NEDD4: variants seen among roughly 807,000 people sequenced by gnomAD.
NEDD4 encodes the protein E3 ubiquitin-protein ligase NEDD4.
NEDD4 carries 99 observed loss-of-function variants against 144.9 expected under a neutral mutation model. The ratio of observed to expected loss-of-function variants is 0.68; its 90% CI spans 0.58 to 0.81. The LOEUF (loss-of-function observed/expected upper bound fraction) is 0.81. NEDD4 is among the 30% of genes least tolerant of loss of function. The pLI, the probability that NEDD4 is intolerant of heterozygous loss-of-function variation, is 0.00. For synonymous variants in NEDD4, 318 were observed against 350.6 expected (o/e 0.91, Z 1.04); for missense variants, 985 against 1,065.9 (o/e 0.92, Z 1.06).
chr15:55,918,949 A>G (rs2036518826), intron 5 of NEDD4, among the ~76,000 whole-genome samples: 2 of 152,168 alleles, frequency 1.3e-5, no homozygotes, highest in Non-Finnish European at 2.9e-5. Flanking sequence ...CCCTTCTAAT[A>G]GGCTAATCAA....
chr15:55,943,020 T>C (rs751217726), intron 4 of NEDD4, among the ~76,000 whole-genome samples: 2 of 152,230 alleles, frequency 1.3e-5, no homozygotes, highest in Non-Finnish European at 2.9e-5. Flanking sequence ...ATTGTGCCCC[T>C]GCTCTAGAAA....
intron 2 of NEDD4, among the ~76,000 whole-genome samples, chr15:55,951,822 T>C (rs1202108143): frequency 6.6e-6 from 1 of 152,076 alleles, no homozygotes; most frequent in East Asian, 1.9e-4. Flanking sequence ...AAAGAAAACC[T>C]TTTAATCACA....
chr15:55,923,955 A>C (rs2036617326), intron 5 of NEDD4, among the ~76,000 whole-genome samples: 1 of 152,146 alleles, frequency 6.6e-6, no homozygotes, highest in African/African-American at 2.4e-5. Context: ...TACCTGTTCA[A>C]ATCTTACAGG....
intron 5 of NEDD4, among the ~76,000 whole-genome samples, chr15:55,894,579 G>C (rs1486615684): frequency 6.6e-6 from 1 of 152,146 alleles, no homozygotes; most frequent in Admixed American, 6.5e-5. Context: ...TTGGGGTGAG[G>C]TGGAAGTCAG....
intron 5 of NEDD4, chr15:55,915,988 T>C (rs761098352): frequency 2.5e-6 from 4 of 1,613,700 alleles, no homozygotes; most frequent in Non-Finnish European, 2.5e-6. Flanking sequence ...CACAGACTTG[T>C]TGGAGAAGTC....
chr15:55,864,138 A>G (rs1477167032), intron 8 of NEDD4, among the ~76,000 whole-genome samples: 1 of 152,232 alleles, frequency 6.6e-6, no homozygotes, highest in African/African-American at 2.4e-5. Context: ...TTATATGAGA[A>G]ACCTCACAAA....
chr15:55,869,532 A>C, intron 8 of NEDD4, 47 bp downstream of exon 8: 2 of 1,125,846 alleles, frequency 1.8e-6, no homozygotes, highest in African/African-American at 1.6e-5. Context: ...CAGTAAAATA[A>C]GAAATTAAAA....
chr15:55,911,406 C>G (rs2036268507), intron 5 of NEDD4, among the ~76,000 whole-genome samples: 1 of 152,124 alleles, frequency 6.6e-6, no homozygotes, highest in Admixed American at 6.6e-5. Flanking sequence ...AGACTCGGTT[C>G]AAATGTCACC....
intron 13 of NEDD4, 25 bp downstream of exon 13, chr15:55,852,399 A>G: frequency 6.3e-7 from 1 of 1,597,732 alleles, no homozygotes; most frequent in South Asian, 1.1e-5. Context: ...CCTGTAAGAA[A>G]GCAAGTTGAT....
At chr15:55,835,439 TCCCATGCC>T (rs2033151631) in intron 24 of NEDD4, among the ~76,000 whole-genome samples, 1 of 142,858 alleles carries the variant, frequency 7.0e-6, no homozygotes, top group Non-Finnish European at 1.5e-5. Flanking sequence ...TTTTTTTTTT[TCCCATGCC>T]CTAAACTGTC....
At chr15:55,949,388 T>A (rs1485871313) in intron 4 of NEDD4, among the ~76,000 whole-genome samples, 3 of 152,182 alleles carry the variant, frequency 2.0e-5, no homozygotes, top group Admixed American at 6.5e-5. Context: ...TGGAAGACAG[T>A]GTGGCGATTC....
intron 1 of NEDD4, among the ~76,000 whole-genome samples, chr15:55,989,106 C>A (rs1480567629): frequency 6.6e-6 from 1 of 152,020 alleles, no homozygotes; most frequent in East Asian, 1.9e-4. Context: ...CGTGGTGGTG[C>A]GTGCCTATAA....
intron 2 of NEDD4, among the ~76,000 whole-genome samples, chr15:55,958,142 T>C (rs1314821411): frequency 2.6e-5 from 4 of 152,214 alleles, no homozygotes; most frequent in Non-Finnish European, 5.9e-5. Context: ...CTGTCTTCTT[T>C]TATTCTATTA....
At chr15:55,908,307 C>A (rs1233784542) in intron 5 of NEDD4, among the ~76,000 whole-genome samples, 2 of 152,210 alleles carry the variant, frequency 1.3e-5, no homozygotes, top group Non-Finnish European at 2.9e-5. Flanking sequence ...CTCCAGAATA[C>A]TTCTCTAATC....
intron 27 of NEDD4, 69 bp downstream of exon 27, chr15:55,832,939 G>T: frequency 9.6e-7 from 1 of 1,044,412 alleles, no homozygotes; most frequent in Non-Finnish European, 1.4e-6. Context: ...GAAGCTTGCG[G>T]ATTCGTCAGC....
chr15:55,929,400 G>A (rs2036737107), intron 4 of NEDD4, among the ~76,000 whole-genome samples: 1 of 152,026 alleles, frequency 6.6e-6, no homozygotes, highest in South Asian at 2.1e-4. Context: ...AAACTGTGTG[G>A]TATGGGTTTT....
chr15:55,930,113 G>T lies in NEDD4; in HGVS notation c.238-5414C>A, dbSNP rs560438464. Among the ~76,000 whole-genome samples, 5 of 152,272 alleles carry T rather than the reference G, an allele frequency of 3.3e-5. No homozygotes were observed. The South Asian group carries it at 8.3e-4, about 25-fold the overall frequency. ...AAAAAAAGAGGCTGGGCAAATTATG[G>T]CTTGTGTGCTAAATCCAGCTAGCCA... On this transcript the variant is annotated intron_variant, in intron 4 of 28. Transcript: ENST00000435532.
intron 2 of NEDD4, among the ~76,000 whole-genome samples, chr15:55,959,305 T>A (rs1317029046): frequency 6.6e-6 from 1 of 152,204 alleles, no homozygotes; most frequent in Non-Finnish European, 1.5e-5. Flanking sequence ...TATCTGCAGT[T>A]TTTCTAGATC....
At chr15:55,945,283 G>A (rs1361058371) in intron 4 of NEDD4, among the ~76,000 whole-genome samples, 27 of 152,082 alleles carry the variant, frequency 1.8e-4, no homozygotes, top group Admixed American at 1.8e-3. Flanking sequence ...TTAGCCCAAT[G>A]GCTAACTAGA....
Sources: gnomAD v4.1 joint callset for allele counts (sites outside exome capture counted in the v4.1 genomes callset) on GRCh38, gnomAD v4.1.1 for gene constraint, MANE v1.5 for transcripts, NCBI Gene and HGNC (gene_info 2026-07-23, HGNC 2026-07-21) for gene names.